The following TMEM47 variants were observed in gnomAD, a reference collection of about 807,000 sequenced individuals.
TMEM47 encodes brain cell membrane protein 1.
In TMEM47, 3 loss-of-function variants were observed where a neutral mutation model predicts 12.4. The ratio of observed to expected loss-of-function variants is 0.24; its 90% CI spans 0.11 to 0.63. TMEM47 has a LOEUF of 0.63. Ranked by LOEUF, TMEM47 falls within the 20% of genes least tolerant of loss-of-function variation. The pLI is 0.86. For synonymous variants in TMEM47, 62 were observed against 63.3 expected (o/e 0.98, Z 0.10); for missense variants, 89 against 143.8 (o/e 0.62, Z 1.95).
chrX:34,655,778 G>GAGAGAGAGAGAGAA (rs1218098123), intron 1 of TMEM47, among the ~76,000 whole-genome samples: 1 of 95,031 alleles, frequency 1.1e-5, no homozygotes, highest in Non-Finnish European at 2.1e-5. Flanking sequence ...GTGTGTGTGA[G>GAGAGAGAGAGAGAA]AGAGAGAGAG....
At chrX:34,645,944 G>A (rs988275669) in intron 1 of TMEM47, among the ~76,000 whole-genome samples, 3 of 111,272 alleles carry the variant, frequency 2.7e-5, no homozygotes, top group Non-Finnish European at 5.7e-5. Context: ...ATTTGATTTC[G>A]AATACTACCC....
At chrX:34,656,151 GTTAC>G (rs1263028521) in intron 1 of TMEM47, among the ~76,000 whole-genome samples, 2 of 111,722 alleles carry the variant, frequency 1.8e-5, no homozygotes, top group East Asian at 5.7e-4. Flanking sequence ...GGAGAGAAGA[GTTAC>G]TTAGAGTGGC....
At chrX:34,652,118 G>A (rs1056092819) in intron 1 of TMEM47, among the ~76,000 whole-genome samples, 1 of 112,174 alleles carries the variant, frequency 8.9e-6, no homozygotes, top group African/African-American at 3.2e-5. Flanking sequence ...AGAATCCAAT[G>A]TCTCATTTAT....
rs775061241 is a variant in TMEM47 at position 34,630,400 on chromosome X, A to G, written c.459T>C (p.Tyr153=). The G allele has an allele frequency of 4.1e-6, 5 of 1,209,018 alleles. No homozygotes were observed. In the African/African-American group the frequency reaches 5.2e-5, roughly 13 times the overall value. Reference sequence around the variant, plus strand: ...ATATAGTTGCACCCCAGGCCAGGCCATAACCCCAGTTGAACTCATGGTAAA... The same window carrying G: ...ATATAGTTGCACCCCAGGCCAGGCCGTAACCCCAGTTGAACTCATGGTAAA... The part of the protein sequence containing the change: ...LKIYHEFNWG[Y]GLAWGATIFS... Residue 153 remains tyrosine, a synonymous_variant, in exon 3 of 3, where the codon TAT becomes TAC. Transcript: ENST00000275954.
At chrX:34,645,064 A>T (rs1205368748) in intron 1 of TMEM47, among the ~76,000 whole-genome samples, 1 of 112,128 alleles carries the variant, frequency 8.9e-6, no homozygotes. Flanking sequence ...ATTCCCAGCA[A>T]ACATTCAGCT....
intron 2 of TMEM47, among the ~76,000 whole-genome samples, chrX:34,636,560 A>G (rs1193451452): frequency 8.9e-6 from 1 of 112,061 alleles, no homozygotes; most frequent in Non-Finnish European, 1.9e-5. Context: ...GGCAAGAGGC[A>G]GTCCCTCTAA....
chrX:34,641,956 A>C lies in TMEM47; in HGVS notation c.227-2569T>G, dbSNP rs1038630184. 2.7e-5 allele frequency among the ~76,000 whole-genome samples: 3 copies of C among 112,449 alleles called. No individual in the cohort carries two copies. The Admixed American group carries it at 2.8e-4, about 11-fold the overall frequency. On this transcript the variant is annotated intron_variant, in intron 1 of 2. Transcript: ENST00000275954. ...ACTGCAACCTCCGTCTCCCGGGTTC[A>C]AGTGATTCTCATGCCTCAGCCTCTC...
chrX:34,643,800 G>C (rs1424862550), intron 1 of TMEM47, among the ~76,000 whole-genome samples: 1 of 111,407 alleles, frequency 9.0e-6, no homozygotes, highest in Non-Finnish European at 1.9e-5. Flanking sequence ...TTGGAAACCT[G>C]AGTTTGGTTT....
At chrX:34,632,152 A>G (rs1324834872) in intron 2 of TMEM47, among the ~76,000 whole-genome samples, 6 of 112,034 alleles carry the variant, frequency 5.4e-5, no homozygotes, top group African/African-American at 1.9e-4. Flanking sequence ...CTTAACAAAA[A>G]AAGTTTGCTA....
Position 34,630,394 on chromosome X carries a change from C to A in TMEM47, c.465G>T (p.Leu155=). 1 of 1,210,687 alleles carries A rather than the reference C, an allele frequency of 8.3e-7. No individual in the cohort carries two copies. Among genetic ancestry groups the A allele is most frequent in the Non-Finnish European group, 1.1e-6 (1 of 894,920 alleles). ...IYHEFNWGYG[L]AWGATIFSFG... is the part of the protein sequence containing the mutation. ...ACGAAAATATAGTTGCACCCCAGGC[C>A]AGGCCATAACCCCAGTTGAACTCAT... The change falls in exon 3 of 3, where the codon CTG becomes CTT. Residue 155 remains leucine, a synonymous_variant. Coordinates refer to ENST00000275954, the MANE Select transcript of TMEM47 (RefSeq NM_031442.4).
chrX:34,635,601 T>C (rs1326099723), intron 2 of TMEM47, among the ~76,000 whole-genome samples: 1 of 110,794 alleles, frequency 9.0e-6, no homozygotes, highest in Non-Finnish European at 1.9e-5. Context: ...GACTAAGGTG[T>C]CATCAGTGGG....
At position 34,648,919 on chromosome X, in the gene TMEM47, A is replaced by G. The variant is rs151013618; in HGVS notation, c.226+7885T>C. On this transcript the variant is annotated intron_variant, in intron 1 of 2. Coordinates refer to ENST00000275954, the MANE Select transcript of TMEM47 (RefSeq NM_031442.4). The stretch of plus-strand genomic sequence containing the variant: ...AGACGCTTTTCAAAAGAAGACATAC[A>G]TGTGTCCAACAAGCATATGCATAAA... 8.5e-3 allele frequency among the ~76,000 whole-genome samples: 950 copies of G among 112,310 alleles called. 1 individual carries two copies. Among genetic ancestry groups the G allele is most frequent in the Non-Finnish European group, 0.014 (741 of 53,236 alleles).
Position 34,656,830 on chromosome X carries a change from C to G in TMEM47, c.200G>C (p.Trp67Ser). The part of the protein sequence containing the change: ...SCRKPASLDI[W>S]HCESTLSSDW... ...GCTGCTGAGCGTGGACTCGCAGTGC[C>G]AGATGTCCAAGCTGGCGGGTTTCCG... The change falls in exon 1 of 3, where the codon TGG (tryptophan) becomes TCG (serine). Residue 67 changes from tryptophan to serine, a missense_variant. Physicochemically the swap from Trp to Ser is radical, Grantham distance 177. Coordinates refer to ENST00000275954, the MANE Select transcript of TMEM47 (RefSeq NM_031442.4). 8.6e-7 allele frequency: 1 copy of G among 1,169,102 alleles called. No homozygotes were observed. Among genetic ancestry groups the G allele is most frequent in the Non-Finnish European group, 1.1e-6 (1 of 874,346 alleles).
intron 2 of TMEM47, among the ~76,000 whole-genome samples, chrX:34,638,356 G>C (rs1921753835): frequency 9.0e-6 from 1 of 111,555 alleles, no homozygotes; most frequent in Admixed American, 9.5e-5. Context: ...CAAACAGTAG[G>C]GGGCAGCAGA....
rs1011386684 is a variant in TMEM47, at chrX:34,629,086, C to T, written c.*1227G>A. The T allele has an allele frequency of 9.0e-6, 1 of 111,556 alleles. No individual in the cohort carries two copies. The highest frequency in any genetic ancestry group is 1.9e-5 in the Non-Finnish European group (1 of 53,043). The allele number at this position is 111,556 out of a possible 1,213,427, so 9.2% of individuals were successfully genotyped here. On this transcript the variant is annotated 3_prime_UTR_variant, in exon 3 of 3. Coordinates refer to ENST00000275954, the MANE Select transcript of TMEM47 (RefSeq NM_031442.4). ...CATTTAGATATTTATATAAATCTATCGCTATTCCTTTCTTAAAAAAATGAA... is the reference window on the plus strand; with the variant it reads ...CATTTAGATATTTATATAAATCTATTGCTATTCCTTTCTTAAAAAAATGAA...
chrX:34,645,196 T>C (rs1381720816), intron 1 of TMEM47, among the ~76,000 whole-genome samples: 3 of 111,496 alleles, frequency 2.7e-5, no homozygotes, highest in Non-Finnish European at 3.8e-5. Flanking sequence ...CCGGAAATAG[T>C]AGGATGGTTT....
At chrX:34,656,047 C>T (rs1922102215) in intron 1 of TMEM47, among the ~76,000 whole-genome samples, 1 of 111,301 alleles carries the variant, frequency 9.0e-6, no homozygotes, top group Admixed American at 9.5e-5. Context: ...CTCCCCACCC[C>T]CATCTTATCC....
intron 1 of TMEM47, among the ~76,000 whole-genome samples, chrX:34,641,482 A>G (rs1028484601): frequency 1.3e-4 from 15 of 111,671 alleles, no homozygotes; most frequent in Non-Finnish European, 3.8e-5. Flanking sequence ...CTAAATATCT[A>G]CCCATATAAA....
rs5928617 is a variant in TMEM47 at position 34,656,853 on chromosome X, C to G, written c.177G>C (p.Arg59=). ...GCCAGATGTCCAAGCTGGCGGGTTT[C>G]CGGCAGGACTCCCACAACGACAGGT... is the stretch of plus-strand genomic sequence containing the variant. ...QYYLSLWESC[R]KPASLDIWHC... is the part of the protein sequence containing the mutation. Residue 59 remains arginine (R), a synonymous_variant, in exon 1 of 3, where the codon CGG becomes CGC. Coordinates refer to ENST00000275954, the MANE Select transcript of TMEM47 (RefSeq NM_031442.4). The G allele has an allele frequency of 0.29, 333,202 of 1,169,064 alleles. 34,103 individuals carry two copies. The highest frequency in any genetic ancestry group is 0.62 in the East Asian group (19,144 of 31,123).
Sources: gnomAD v4.1 joint callset for allele counts (sites outside exome capture counted in the v4.1 genomes callset) on GRCh38, gnomAD v4.1.1 for gene constraint, MANE v1.5 for transcripts, NCBI Gene and HGNC (gene_info 2026-07-23, HGNC 2026-07-21) for gene names.